The following IMMP2L variants were observed in gnomAD, a reference collection of about 807,000 sequenced individuals.
IMMP2L encodes the protein inner mitochondrial membrane peptidase subunit 2.
In IMMP2L, 18 loss-of-function variants were observed where a neutral mutation model predicts 19.3. The observed-to-expected ratio is 0.93, with a 90% CI of 0.64 to 1.38. IMMP2L has a LOEUF of 1.38. IMMP2L is among the 40% of genes most tolerant of loss of function. IMMP2L has a pLI of 0.00. For missense variants in IMMP2L, 233 were observed against 218.2 expected, an observed-to-expected ratio of 1.07 and a Z score of -0.43; for synonymous variants, 76 against 73.0, an observed-to-expected ratio of 1.04 and a Z score of -0.21.
In IMMP2L at chr7:111,175,360, T is replaced by C. The variant is rs930357315; in HGVS notation, c.240-211795A>G. On this transcript the variant is annotated intron_variant, in intron 3 of 5. Transcript: ENST00000405709. Reference sequence around the variant, plus strand: ...AGTTCAATGAGACTGTCTATTCTTTTAATTTCTAAGTAATACAATATGTAC... The same window carrying C: ...AGTTCAATGAGACTGTCTATTCTTTCAATTTCTAAGTAATACAATATGTAC... 3.9e-5 allele frequency among the ~76,000 whole-genome samples: 6 copies of C among 152,022 alleles called. 1 individual carries two copies. The highest frequency in any genetic ancestry group is 3.9e-4 in the Admixed American group (6 of 15,250).
At chr7:111,020,177 A>G (rs1383907230) in intron 3 of IMMP2L, among the ~76,000 whole-genome samples, 1 of 151,644 alleles carries the variant, frequency 6.6e-6, no homozygotes, top group African/African-American at 2.4e-5. Context: ...TGAAGTCAGG[A>G]GTTCGAGACC....
chr7:111,063,569 T>G (rs1394629530), intron 3 of IMMP2L, among the ~76,000 whole-genome samples: 1 of 152,226 alleles, frequency 6.6e-6, no homozygotes, highest in Non-Finnish European at 1.5e-5. Flanking sequence ...ACTGTCAGGC[T>G]GCAGATTTTC....
intron 3 of IMMP2L, among the ~76,000 whole-genome samples, chr7:111,430,857 A>G (rs964097317): frequency 1.3e-5 from 2 of 151,864 alleles, no homozygotes; most frequent in Non-Finnish European, 2.9e-5. Context: ...CTGTAATCCC[A>G]TAACTTTGGA....
chr7:110,851,469 G>A (rs1473658936), intron 5 of IMMP2L, among the ~76,000 whole-genome samples: 2 of 152,130 alleles, frequency 1.3e-5, no homozygotes, highest in Non-Finnish European at 2.9e-5. Flanking sequence ...TCCTTGTCCT[G>A]AGACGTTGTT....
In IMMP2L at chr7:111,123,806, C is replaced by T; in HGVS notation, c.240-160241G>A. Reference sequence around the variant, plus strand: ...GAATCACTCATGCTGAACAGCAATGCTCTCAGTGCCCTGTACCATGGTACC... The same window carrying T: ...GAATCACTCATGCTGAACAGCAATGTTCTCAGTGCCCTGTACCATGGTACC... On this transcript the variant is annotated intron_variant, in intron 3 of 5. Transcript: ENST00000405709. The surrounding 1 kb of genome is among the most constrained non-coding windows in gnomAD (Gnocchi z 6.4). 1 of 1,613,982 alleles carries T rather than the reference C, an allele frequency of 6.2e-7. No individual in the cohort carries two copies.
At chr7:111,097,373 G>A (rs968218361) in intron 3 of IMMP2L, 14 of 151,708 alleles carry the variant, frequency 9.2e-5, no homozygotes, top group Non-Finnish European at 1.5e-4. Context: ...AAGAGACTTC[G>A]TTTTCACTGT....
At chr7:110,675,628 G>T (rs780522668) in intron 5 of IMMP2L, among the ~76,000 whole-genome samples, 8 of 152,158 alleles carry the variant, frequency 5.3e-5, no homozygotes, top group Non-Finnish European at 5.9e-5. Flanking sequence ...GGTTAGGTCA[G>T]CAATGACCAA....
chr7:111,421,267 C>CTTTTTTTTTTTTTT (rs1227013257), intron 3 of IMMP2L, among the ~76,000 whole-genome samples: 2 of 122,916 alleles, frequency 1.6e-5, no homozygotes, highest in African/African-American at 3.2e-5. Flanking sequence ...TTGTTTTTTT[C>CTTTTTTTTTTTTTT]TTTTTTTTTT....
At chr7:110,830,079 A>C (rs1803831274) in intron 5 of IMMP2L, among the ~76,000 whole-genome samples, 1 of 152,090 alleles carries the variant, frequency 6.6e-6, no homozygotes. Flanking sequence ...CAACTCTCCA[A>C]ATTTTCTTAG....
chr7:111,023,013 T>C (rs779882458), intron 3 of IMMP2L, among the ~76,000 whole-genome samples: 34 of 152,196 alleles, frequency 2.2e-4, no homozygotes, highest in Admixed American at 1.8e-3. Context: ...CAACTGCTCA[T>C]GCCCTCAGTA....
chr7:110,669,089 G>GTATA (rs746970601), intron 5 of IMMP2L, among the ~76,000 whole-genome samples: 1 of 139,982 alleles, frequency 7.1e-6, no homozygotes, highest in Admixed American at 7.2e-5. Flanking sequence ...GTGTGTGTGT[G>GTATA]TATATGTATA....
Position 111,342,053 on chromosome 7 carries a change from G to A in IMMP2L, c.239+145185C>T, listed in dbSNP as rs778776227. Reference sequence around the variant, plus strand: ...CCAGTCTCAGGTAGGCTGTTATAGCGGCACAAAACAGGCCAAGACAGGTAT... The same window carrying A: ...CCAGTCTCAGGTAGGCTGTTATAGCAGCACAAAACAGGCCAAGACAGGTAT... On this transcript the variant is annotated intron_variant, in intron 3 of 5. Coordinates refer to ENST00000405709, the MANE Select transcript of IMMP2L (RefSeq NM_032549.4). Among the ~76,000 whole-genome samples the A allele has an allele frequency of 1.5e-3, 230 of 151,904 alleles. 2 individuals carry two copies. The highest frequency in any genetic ancestry group is 4.6e-4 in the Non-Finnish European group (31 of 67,986).
intron 1 of IMMP2L, among the ~76,000 whole-genome samples, chr7:111,526,420 T>C (rs879196525): frequency 2.0e-5 from 3 of 152,214 alleles, no homozygotes; most frequent in Admixed American, 1.3e-4. Flanking sequence ...TGGTTAATTC[T>C]ATATGCTAGG....
chr7:110,918,605 A>G (rs1161832586), intron 4 of IMMP2L, among the ~76,000 whole-genome samples: 1 of 151,184 alleles, frequency 6.6e-6, no homozygotes, highest in East Asian at 2.0e-4. Context: ...ACAGGCGTGT[A>G]CCACCACAGT....
chr7:111,269,457 A>G (rs1240690567), intron 3 of IMMP2L, among the ~76,000 whole-genome samples: 1 of 152,180 alleles, frequency 6.6e-6, no homozygotes, highest in African/African-American at 2.4e-5. Context: ...AAGTACAAAA[A>G]TTATATGTGT....
chr7:111,459,258 T>G (rs535033410), intron 3 of IMMP2L, among the ~76,000 whole-genome samples: 28 of 152,204 alleles, frequency 1.8e-4, no homozygotes, highest in African/African-American at 6.5e-4. Context: ...AGTGTAGCAG[T>G]CCAGAAGTGA....
intron 4 of IMMP2L, among the ~76,000 whole-genome samples, chr7:110,935,110 G>C (rs1815946646): frequency 6.6e-6 from 1 of 152,134 alleles, no homozygotes; most frequent in South Asian, 2.1e-4. Context: ...TTTACGATTT[G>C]TTATGTTTTT....
chr7:110,683,032 A>C (rs1023892711), intron 5 of IMMP2L, among the ~76,000 whole-genome samples: 2 of 152,136 alleles, frequency 1.3e-5, no homozygotes, highest in East Asian at 3.9e-4. Context: ...CATTGAGATT[A>C]GTGCACAACA....
At chr7:111,185,392 T>A (rs1003975649) in intron 3 of IMMP2L, among the ~76,000 whole-genome samples, 1 of 152,128 alleles carries the variant, frequency 6.6e-6, no homozygotes, top group Non-Finnish European at 1.5e-5. Flanking sequence ...TCTTACTATG[T>A]CTGAATATGT....
Sources: allele counts gnomAD v4.1 joint callset (sites outside exome capture counted in the v4.1 genomes callset), GRCh38; gene constraint gnomAD v4.1.1; non-coding constraint Gnocchi (gnomAD v3.1); transcripts MANE v1.5; gene names NCBI Gene and HGNC (gene_info 2026-07-23, HGNC 2026-07-21).